The following TMEM135 variants were observed in gnomAD, a reference collection of about 807,000 sequenced individuals.
The protein encoded by TMEM135 is peroxisomal membrane protein 52.
A neutral mutation model predicts 60.3 loss-of-function variants in TMEM135; 30 were observed. The observed-to-expected ratio is 0.50, with a 90% CI of 0.37 to 0.68. The LOEUF (loss-of-function observed/expected upper bound fraction) is 0.68, where lower values mean the gene tolerates loss of function less well. Ranked by LOEUF, TMEM135 falls within the 30% of genes least tolerant of loss-of-function variation. The probability of loss-of-function intolerance (pLI) is 0.00; values close to 1 mark genes in which losing one functional copy is unlikely to be tolerated. For synonymous variants in TMEM135, 190 were observed against 186.7 expected (o/e 1.02, Z -0.14); for missense variants, 468 against 548.8 (o/e 0.85, Z 1.47).
chr11:87,067,998 C>T (rs529467778), intron 2 of TMEM135, among the ~76,000 whole-genome samples, 177 bp downstream of exon 2: 25 of 151,744 alleles, frequency 1.6e-4, no homozygotes, highest in Non-Finnish European at 2.8e-4. Flanking sequence ...GGCCTCTTGA[C>T]GTCAAGATGT....
chr11:87,169,416 G>A (rs540403), intron 5 of TMEM135, among the ~76,000 whole-genome samples: 55,514 of 151,014 alleles, frequency 0.37, 10,708 homozygotes, highest in East Asian at 0.67. Flanking sequence ...TTATAATTTG[G>A]TATGTTTTTG....
chr11:87,246,631 C>T (rs2135385378), intron 6 of TMEM135, among the ~76,000 whole-genome samples: 1 of 150,616 alleles, frequency 6.6e-6, no homozygotes, highest in African/African-American at 2.5e-5. Context: ...CCCTTTTTTC[C>T]AGTTGATTGT....
At chr11:87,066,913 TG>T (rs1469766526) in intron 1 of TMEM135, among the ~76,000 whole-genome samples, 1 of 150,858 alleles carries the variant, frequency 6.6e-6, no homozygotes, top group Non-Finnish European at 1.5e-5. Context: ...CCCAAGTAGC[TG>T]GGACTACAGG....
rs541351076 is a variant in TMEM135 at position 87,301,010 on chromosome 11, G to A, written c.552-1286G>A. On this transcript the variant is annotated intron_variant, in intron 7 of 14. Coordinates refer to ENST00000305494, the MANE Select transcript of TMEM135 (RefSeq NM_022918.4). ...CTTGTTGCTGATAAAGAACAGCAGT[G>A]CAGATCTTAAACTCTCTATGTACAC... is the stretch of plus-strand genomic sequence containing the variant. Among the ~76,000 whole-genome samples the A allele has an allele frequency of 8.5e-5, 13 of 152,298 alleles. 1 individual carries two copies. In the South Asian group the frequency reaches 2.7e-3, roughly 32 times the overall value.
At chr11:87,203,311 C>A (rs79574660) in intron 5 of TMEM135, among the ~76,000 whole-genome samples, 8,151 of 152,150 alleles carry the variant, frequency 0.054, 338 homozygotes, top group Non-Finnish European at 0.074. Context: ...ATTATAGTAT[C>A]ATACAGAGTA....
At chr11:87,080,900 G>A (rs2135154306) in intron 3 of TMEM135, among the ~76,000 whole-genome samples, 2 of 151,962 alleles carry the variant, frequency 1.3e-5, no homozygotes, top group East Asian at 3.9e-4. Flanking sequence ...TGGCCAGGCT[G>A]GTCTCAAACT....
intron 5 of TMEM135, among the ~76,000 whole-genome samples, chr11:87,219,583 A>G (rs1275392073): frequency 6.6e-6 from 1 of 152,116 alleles, no homozygotes; most frequent in African/African-American, 2.4e-5. Flanking sequence ...TCTTATACAG[A>G]CACCAATCTT....
At chr11:87,274,760 A>G (rs896744367) in intron 6 of TMEM135, among the ~76,000 whole-genome samples, 1 of 149,446 alleles carries the variant, frequency 6.7e-6, no homozygotes, top group Non-Finnish European at 1.5e-5. Flanking sequence ...TAGGAGTTCA[A>G]AACCAGCCTG....
chr11:87,305,087 A>AG (rs2135442887), intron 8 of TMEM135, among the ~76,000 whole-genome samples: 1 of 152,302 alleles, frequency 6.6e-6, no homozygotes, highest in South Asian at 2.1e-4. Flanking sequence ...ATTTATTTCA[A>AG]CTGAATTTTG....
intron 1 of TMEM135, among the ~76,000 whole-genome samples, chr11:87,058,379 G>C (rs1003474165): frequency 2.6e-5 from 4 of 151,946 alleles, no homozygotes; most frequent in African/African-American, 9.7e-5. Flanking sequence ...ACTCAGGCTG[G>C]AGTGCAGTGG....
At chr11:87,126,237 A>T (rs941880453) in intron 4 of TMEM135, among the ~76,000 whole-genome samples, 10 of 152,156 alleles carry the variant, frequency 6.6e-5, no homozygotes, top group Admixed American at 5.9e-4. Flanking sequence ...AAAAATAATT[A>T]TAATAATATT....
intron 5 of TMEM135, among the ~76,000 whole-genome samples, chr11:87,223,519 C>T (rs984111359): frequency 6.6e-6 from 1 of 152,038 alleles, no homozygotes; most frequent in Non-Finnish European, 1.5e-5. Context: ...AGTGCATACA[C>T]TCATTGCGCT....
intron 6 of TMEM135, among the ~76,000 whole-genome samples, chr11:87,248,395 T>C (rs1033949856): frequency 1.3e-5 from 2 of 152,234 alleles, no homozygotes; most frequent in African/African-American, 4.8e-5. Context: ...AAAGCCATTT[T>C]AACTAGGGTG....
At chr11:87,080,189 A>C (rs1230222868) in intron 3 of TMEM135, among the ~76,000 whole-genome samples, 1 of 98,024 alleles carries the variant, frequency 1.0e-5, no homozygotes. Flanking sequence ...TTTTTTTGAT[A>C]TCAACAAGGA....
At chr11:87,313,560 C>A in intron 11 of TMEM135, 72 bp downstream of exon 11, 3 of 1,213,924 alleles carry the variant, frequency 2.5e-6, no homozygotes, top group Admixed American at 3.5e-5. Flanking sequence ...AAATACCATC[C>A]AATTCATCCA....
chr11:87,318,693 T>A (rs145475761), intron 13 of TMEM135, among the ~76,000 whole-genome samples: 13 of 152,238 alleles, frequency 8.5e-5, no homozygotes, highest in African/African-American at 2.9e-4. Flanking sequence ...ACCATTATTA[T>A]TGACATTAAC....
chr11:87,280,786 C>T (rs566881265), intron 6 of TMEM135, among the ~76,000 whole-genome samples: 3 of 152,310 alleles, frequency 2.0e-5, no homozygotes, highest in Middle Eastern at 3.4e-3. Context: ...TTTATAAATA[C>T]TTATGAAATA....
intron 5 of TMEM135, among the ~76,000 whole-genome samples, chr11:87,206,380 C>T (rs1039375915): frequency 1.3e-5 from 2 of 151,934 alleles, no homozygotes; most frequent in Non-Finnish European, 2.9e-5. Context: ...TCAAATTATT[C>T]CAGGACTACA....
At chr11:87,040,836 A>T (rs996862110) in intron 1 of TMEM135, among the ~76,000 whole-genome samples, 1 of 152,062 alleles carries the variant, frequency 6.6e-6, no homozygotes, top group East Asian at 1.9e-4. Context: ...ATAGTTACGC[A>T]TATTTTTCTT....
Sources: allele counts gnomAD v4.1 joint callset (sites outside exome capture counted in the v4.1 genomes callset), GRCh38; gene constraint gnomAD v4.1.1; transcripts MANE v1.5; gene names NCBI Gene and HGNC (gene_info 2026-07-23, HGNC 2026-07-21).